The following ADGRL2 variants were observed in gnomAD, a reference collection of about 807,000 sequenced individuals.
ADGRL2 encodes calcium-independent alpha-latrotoxin receptor 2.
In ADGRL2, 44 loss-of-function variants were observed where a neutral mutation model predicts 157.4. That is an observed-to-expected ratio of 0.28 (90% confidence interval 0.22 to 0.36). The LOEUF (loss-of-function observed/expected upper bound fraction) is 0.36. ADGRL2 is among the 10% of genes least tolerant of loss of function. ADGRL2 has a pLI of 1.00. For synonymous variants in ADGRL2, 585 were observed against 624.7 expected (o/e 0.94, Z 0.95); for missense variants, 1,510 against 1,768.9 (o/e 0.85, Z 2.63).
At chr1:81,440,355 C>T (rs529838948) in intron 1 of ADGRL2, among the ~76,000 whole-genome samples, 1 of 152,280 alleles carries the variant, frequency 6.6e-6, no homozygotes, top group African/African-American at 2.4e-5. Flanking sequence ...CATAAATTAG[C>T]CGCTGTGAAG....
chr1:81,936,205 G>A (rs931240266), intron 3 of ADGRL2, among the ~76,000 whole-genome samples: 22 of 151,978 alleles, frequency 1.4e-4, no homozygotes, highest in Admixed American at 2.6e-4. Flanking sequence ...GTACAATGAA[G>A]AAATTCACAC....
chr1:81,981,069 AT>A, intron 18 of ADGRL2: 1 of 436,328 alleles, frequency 2.3e-6, no homozygotes. Context: ...ATTACTTTCT[AT>A]TTTAATTCTG....
intron 1 of ADGRL2, among the ~76,000 whole-genome samples, chr1:81,336,645 A>C (rs1191559632): frequency 6.6e-6 from 1 of 152,022 alleles, no homozygotes; most frequent in Non-Finnish European, 1.5e-5. Context: ...GAGCACTCTG[A>C]CTCAGCTGGG....
chr1:81,814,547 A>G (rs968071104), intron 1 of ADGRL2, among the ~76,000 whole-genome samples: 1 of 151,576 alleles, frequency 6.6e-6, no homozygotes, highest in Non-Finnish European at 1.5e-5. Context: ...CTAGAATGCA[A>G]AATTATAAAC....
intron 3 of ADGRL2, among the ~76,000 whole-genome samples, chr1:81,679,862 C>A (rs1378057503): frequency 6.6e-6 from 1 of 151,608 alleles, no homozygotes; most frequent in Non-Finnish European, 1.5e-5. Flanking sequence ...AAGCAGAGAC[C>A]AAAAAAAATC....
intron 1 of ADGRL2, among the ~76,000 whole-genome samples, chr1:81,369,670 T>C (rs1269192130): frequency 6.6e-6 from 1 of 152,014 alleles, no homozygotes; most frequent in Non-Finnish European, 1.5e-5. Flanking sequence ...AAAAGAAAGC[T>C]AGACTAAATC....
chr1:81,990,013 T>A, intron 23 of ADGRL2: 1 of 984,668 alleles, frequency 1.0e-6, no homozygotes, highest in Non-Finnish European at 1.2e-6. Context: ...TAAACCATAG[T>A]CTTGTACTTT....
intron 2 of ADGRL2, among the ~76,000 whole-genome samples, chr1:81,447,602 T>A (rs2077622291): frequency 6.6e-6 from 1 of 152,106 alleles, no homozygotes; most frequent in Non-Finnish European, 1.5e-5. Context: ...GTAATTAGCA[T>A]CTCTCTAAAA....
intron 2 of ADGRL2, among the ~76,000 whole-genome samples, chr1:81,897,786 T>C (rs2094418783): frequency 6.6e-6 from 1 of 152,228 alleles, no homozygotes; most frequent in Non-Finnish European, 1.5e-5. Context: ...TCATTATGCA[T>C]GTATTTGTTA....
chr1:81,408,761 A>G (rs753398916), intron 1 of ADGRL2, among the ~76,000 whole-genome samples: 49 of 152,210 alleles, frequency 3.2e-4, no homozygotes, highest in Non-Finnish European at 7.3e-5. Flanking sequence ...TAAATATGAG[A>G]TCATTTTTGA....
At chr1:81,716,594 A>G (rs2084125669) in intron 1 of ADGRL2, among the ~76,000 whole-genome samples, 1 of 152,156 alleles carries the variant, frequency 6.6e-6, no homozygotes, top group Admixed American at 6.6e-5. Flanking sequence ...TCTTAAAAGG[A>G]AATTAAAGCA....
At chr1:81,802,582 T>C (rs565982896) in intron 1 of ADGRL2, among the ~76,000 whole-genome samples, 2 of 152,232 alleles carry the variant, frequency 1.3e-5, no homozygotes, top group South Asian at 2.1e-4. Flanking sequence ...TTTAATTTCA[T>C]AAAAGCTTGG....
At chr1:81,730,072 A>C (rs1196275245) in intron 1 of ADGRL2, among the ~76,000 whole-genome samples, 1 of 152,144 alleles carries the variant, frequency 6.6e-6, no homozygotes, top group Non-Finnish European at 1.5e-5. Context: ...TGATCCTAGG[A>C]AGGCACAACT....
chr1:81,536,865 C>T (rs1035410751), intron 2 of ADGRL2, among the ~76,000 whole-genome samples: 1 of 152,276 alleles, frequency 6.6e-6, no homozygotes, highest in South Asian at 2.1e-4. Context: ...GTGCCTACTG[C>T]GTGAAGGGCA....
intron 2 of ADGRL2, among the ~76,000 whole-genome samples, chr1:81,452,205 G>A (rs4532867): frequency 0.95 from 144,261 of 152,232 alleles, 68,814 homozygotes; most frequent in East Asian, 1. Context: ...TTAGCTCATT[G>A]GGAAAGACTT....
intron 2 of ADGRL2, among the ~76,000 whole-genome samples, chr1:81,457,037 A>G (rs1471629204): frequency 6.6e-6 from 1 of 152,170 alleles, no homozygotes; most frequent in Non-Finnish European, 1.5e-5. Context: ...TATCCTTAAG[A>G]TATTTACATA....
chr1:81,529,837 C>A (rs1011228739), intron 2 of ADGRL2, among the ~76,000 whole-genome samples: 2 of 152,188 alleles, frequency 1.3e-5, no homozygotes. Flanking sequence ...TCTGCAGTTT[C>A]ACCATCACAC....
intron 2 of ADGRL2, among the ~76,000 whole-genome samples, chr1:81,526,141 T>A (rs1426872287): frequency 6.6e-6 from 1 of 152,228 alleles, no homozygotes; most frequent in African/African-American, 2.4e-5. Flanking sequence ...TTAAGCAGAT[T>A]TGCAAGCTTA....
At chr1:81,588,768 A>G (rs112102814) in intron 3 of ADGRL2, among the ~76,000 whole-genome samples, 2,060 of 152,298 alleles carry the variant, frequency 0.014, 44 homozygotes, top group African/African-American at 0.045. Flanking sequence ...TGTCTCTAAC[A>G]TGTAGCAGCA....
Sources: gnomAD v4.1 joint callset for allele counts (sites outside exome capture counted in the v4.1 genomes callset) on GRCh38, gnomAD v4.1.1 for gene constraint, MANE v1.5 for transcripts, NCBI Gene and HGNC (gene_info 2026-07-23, HGNC 2026-07-21) for gene names.